Variants in SAMD4B observed in about 807,000 individuals in gnomAD.
SAMD4B encodes the protein sterile alpha motif domain containing 4B.
SAMD4B carries 5 observed loss-of-function variants against 74.5 expected under a neutral mutation model. The observed-to-expected ratio is 0.07, with a 90% confidence interval of 0.04 to 0.14. The LOEUF is 0.14. Ranked by LOEUF, SAMD4B falls within the 10% of genes least tolerant of loss-of-function variation. SAMD4B has a pLI of 1.00. For synonymous variants in SAMD4B, 373 were observed against 374.9 expected, an observed-to-expected ratio of 1.00 and a Z score of 0.06; for missense variants, 608 against 921.8, an observed-to-expected ratio of 0.66 and a Z score of 4.41.
rs1318022896 is a variant in SAMD4B at position 39,378,569 on chromosome 19, G to A, written c.1510G>A (p.Glu504Lys). 2.5e-6 allele frequency: 4 copies of A among 1,613,944 alleles called. No homozygotes were observed. Among genetic ancestry groups the A allele is most frequent in the South Asian group, 2.2e-5 (2 of 91,082 alleles). Reference protein sequence around the residue: ...ENITSYLQLIEKCLTHEAFTE... With the variant: ...ENITSYLQLIKKCLTHEAFTE... ...CATCACCAGTTACCTCCAGCTCATCGAAAAGTGCCTGACTCATGAGGTAAG... is the reference window on the plus strand; with the variant it reads ...CATCACCAGTTACCTCCAGCTCATCAAAAAGTGCCTGACTCATGAGGTAAG... Residue 504 changes from glutamate to lysine, a missense_variant, in exon 9 of 14, where the codon GAA becomes AAA. Glu to Lys is a moderately conservative substitution (Grantham distance 56, BLOSUM62 1). Around this residue, in one of 9 missense-constraint regions of SAMD4B, gnomAD observed 27 missense variants for 48.6 expected, o/e 0.56. Coordinates refer to ENST00000610417, the MANE Select transcript of SAMD4B (RefSeq NM_001384574.2). The surrounding 1 kb of genome is among the most constrained non-coding windows in gnomAD (Gnocchi z 4.4).
At chr19:39,385,802 C>G (rs996075232), downstream of SAMD4B, 1 of 812,244 alleles carries the variant, frequency 1.2e-6, no homozygotes, top group Admixed American at 2.9e-5. Flanking sequence ...CTGGGGGTTG[C>G]GGGAGGTATG....
chr19:39,386,748 G>A (rs2078259852), downstream of SAMD4B: 16 of 1,614,128 alleles, frequency 9.9e-6, no homozygotes, highest in Non-Finnish European at 1.3e-5. This position sits in a 1 kb window ranked among gnomAD's most constrained non-coding sequence, Gnocchi z 6.1. Context: ...CAAGCAGGGC[G>A]TTGGTGCCTG....
chr19:39,382,100 T>C (rs892054631), intron 12 of SAMD4B, among the ~76,000 whole-genome samples: 4 of 152,190 alleles, frequency 2.6e-5, no homozygotes, highest in Non-Finnish European at 5.9e-5. Flanking sequence ...AGAGCATGGA[T>C]TTGCAGAATT....
chr19:39,347,120 G>C (rs1454692634), intron 1 of SAMD4B, among the ~76,000 whole-genome samples: 13 of 152,170 alleles, frequency 8.5e-5, no homozygotes, highest in East Asian at 1.9e-4. Flanking sequence ...GTTGGCTTCA[G>C]ACCTAGCTGC....
rs374282248 is a variant in SAMD4B, at chr19:39,375,808, G to A, written c.826G>A (p.Val276Met). The change falls in exon 5 of 14, where the codon GTG becomes ATG. Residue 276 changes from valine (V) to methionine (M), a missense_variant. By Grantham distance (21) the Val-to-Met change is conservative (BLOSUM62 1). This residue lies in a region of SAMD4B where 31 missense variants were observed against 43.4 expected (regional missense o/e 0.71). Transcript: ENST00000610417. The surrounding 1 kb of genome is among the most constrained non-coding windows in gnomAD (Gnocchi z 4.1). ...CGCACCTCTCTCGCCCCAGAGCAGC[G>A]TGGCCTCCTCTGGCAGTGAGCAGAC... ...DHAPLSPQSS[V>M]ASSGSEQTEE... 10 of 1,613,712 alleles carry A rather than the reference G, an allele frequency of 6.2e-6. No individual in the cohort carries two copies. The highest frequency in any genetic ancestry group is 4.0e-5 in the African/African-American group (3 of 74,898).
At chr19:39,389,427 G>T (rs1229987191), downstream of SAMD4B, 2 of 1,606,588 alleles carry the variant, frequency 1.2e-6, no homozygotes, top group African/African-American at 1.3e-5. This position sits in a 1 kb window ranked among gnomAD's most constrained non-coding sequence, Gnocchi z 5.3. Flanking sequence ...CTGCCCTCCT[G>T]CTTGTAGGGC....
Position 39,383,297 on chromosome 19 carries a change from C to G in SAMD4B, c.2056+6C>G, listed in dbSNP as rs772938955. On this transcript the variant is annotated splice_donor_region_variant and intron_variant, in intron 13 of 13. Coordinates refer to ENST00000610417, the MANE Select transcript of SAMD4B (RefSeq NM_001384574.2). The surrounding 1 kb of genome is among the most constrained non-coding windows in gnomAD (Gnocchi z 4.1). ...GACAGAACACGCCTTGGGTGGTGAGCATTTCCTCTTTCCCTGACCCAGCTC... is the reference window on the plus strand; with the variant it reads ...GACAGAACACGCCTTGGGTGGTGAGGATTTCCTCTTTCCCTGACCCAGCTC... 2.5e-6 allele frequency: 4 copies of G among 1,613,622 alleles called. No homozygotes were observed. Among genetic ancestry groups the G allele is most frequent in the Non-Finnish European group, 3.4e-6 (4 of 1,179,548 alleles).
In SAMD4B at chr19:39,384,864, T is replaced by C. The variant is rs1290739507; in HGVS notation, c.*1337T>C. 6.6e-6 allele frequency: 1 copy of C among 152,204 alleles called. No homozygotes were observed. Among genetic ancestry groups the C allele is most frequent in the Non-Finnish European group, 1.5e-5 (1 of 67,948 alleles). The allele number at this position is 152,204 out of a possible 1,614,324, so 9.4% of individuals were successfully genotyped here. ...TGTTATGAATATGGCTGGTAACCAT[T>C]GTGTATGTTATTAAAGATACAAAAT... On this transcript the variant is annotated 3_prime_UTR_variant, in exon 14 of 14. Coordinates refer to ENST00000610417, the MANE Select transcript of SAMD4B (RefSeq NM_001384574.2).
At chr19:39,373,179 A>G (rs539761402) in intron 4 of SAMD4B, among the ~76,000 whole-genome samples, 1 of 152,266 alleles carries the variant, frequency 6.6e-6, no homozygotes, top group South Asian at 2.1e-4. Context: ...TCCCGTGGGA[A>G]CTGGGGCAAA....
downstream of SAMD4B, chr19:39,387,238 T>C (rs564280263): frequency 1.5e-4 from 63 of 411,276 alleles, no homozygotes; most frequent in African/African-American, 1.2e-3. Context: ...CTGCAGGCAA[T>C]TGTAATACAA....
intron 3 of SAMD4B, among the ~76,000 whole-genome samples, chr19:39,367,819 C>A (rs756174287): frequency 4.0e-5 from 6 of 149,374 alleles, no homozygotes; most frequent in Non-Finnish European, 5.9e-5. Flanking sequence ...CTAATAAGGT[C>A]TTTGAGGGGG....
intron 4 of SAMD4B, among the ~76,000 whole-genome samples, chr19:39,373,946 A>G (rs772689303): frequency 2.7e-5 from 4 of 148,756 alleles, no homozygotes; most frequent in Middle Eastern, 3.6e-3. Context: ...GCTAGGCCAC[A>G]AGAGTGAAAT....
chr19:39,388,553 C>A (rs764142280), downstream of SAMD4B: 11 of 1,613,510 alleles, frequency 6.8e-6, no homozygotes, highest in South Asian at 7.7e-5. Context: ...AACCGCAACC[C>A]ACGCACACAT....
intron 7 of SAMD4B, 103 bp downstream of exon 7, chr19:39,376,894 C>T (rs930142265): frequency 2.2e-6 from 2 of 927,016 alleles, no homozygotes; most frequent in African/African-American, 3.3e-5. Context: ...ATGTGGCCTC[C>T]AAAATTCCCA....
intron 1 of SAMD4B, among the ~76,000 whole-genome samples, chr19:39,343,894 T>G (rs1319344096): frequency 6.6e-6 from 1 of 151,574 alleles, no homozygotes; most frequent in African/African-American, 2.4e-5. Flanking sequence ...CAGACCGGTT[T>G]TAGAGGAATT....
At chr19:39,353,528 A>C (rs761659128) in intron 1 of SAMD4B, among the ~76,000 whole-genome samples, 3 of 152,160 alleles carry the variant, frequency 2.0e-5, no homozygotes, top group Non-Finnish European at 4.4e-5. Flanking sequence ...TATATTGTAC[A>C]TATTACTGTG....
intron 1 of SAMD4B, among the ~76,000 whole-genome samples, chr19:39,353,751 G>A (rs1330761998): frequency 2.0e-5 from 3 of 151,994 alleles, no homozygotes; most frequent in Non-Finnish European, 4.4e-5. Flanking sequence ...ACAGGCGCCC[G>A]CCACCACACC....
downstream of SAMD4B, chr19:39,386,319 C>T (rs141960531): frequency 2.0e-4 from 322 of 1,614,080 alleles, 2 homozygotes; most frequent in Non-Finnish European, 5.5e-5. The surrounding 1 kb of genome is among the most constrained non-coding windows in gnomAD (Gnocchi z 6.1). Context: ...GTCCCTGTCA[C>T]CTTCCTCCCG....
downstream of SAMD4B, chr19:39,389,378 T>A: frequency 6.2e-7 from 1 of 1,614,076 alleles, no homozygotes; most frequent in East Asian, 2.2e-5. This position sits in a 1 kb window ranked among gnomAD's most constrained non-coding sequence, Gnocchi z 5.3. Flanking sequence ...CGCGTGCTGC[T>A]GGGATCTGGG....
Sources: allele counts gnomAD v4.1 joint callset (sites outside exome capture counted in the v4.1 genomes callset), GRCh38; gene constraint gnomAD v4.1.1; regional missense constraint gnomAD v4.1.1; non-coding constraint Gnocchi (gnomAD v3.1); transcripts MANE v1.5; gene names NCBI Gene and HGNC (gene_info 2026-07-23, HGNC 2026-07-21).